TENM2: variants seen among roughly 807,000 people sequenced by gnomAD.
The protein encoded by TENM2 is teneurin-2.
TENM2 carries 52 observed loss-of-function variants against 245.2 expected under a neutral mutation model. The observed-to-expected ratio is 0.21, with a 90% CI of 0.17 to 0.27. The LOEUF (loss-of-function observed/expected upper bound fraction) is 0.27, where lower values mean the gene tolerates loss of function less well. Among genes scored for constraint, TENM2 ranks in the 10% least tolerant of loss-of-function variants. TENM2 has a pLI of 1.00. For synonymous variants in TENM2, 1,363 were observed against 1,438.9 expected (o/e 0.95, Z 1.19); for missense variants, 3,046 against 3,666.8 (o/e 0.83, Z 4.37).
the TENM2 span, among the ~76,000 whole-genome samples, chr5:167,137,369 AT>A: frequency 6.6e-6 from 1 of 152,222 alleles, no homozygotes; most frequent in Non-Finnish European, 1.5e-5. Context: ...TTCATAAGAA[AT>A]TTTATATCAG....
At chr5:167,592,836 TG>T (rs1775968431) in intron 2 of TENM2, among the ~76,000 whole-genome samples, 1 of 152,214 alleles carries the variant, frequency 6.6e-6, no homozygotes, top group South Asian at 2.1e-4. Flanking sequence ...TTTGATTTTT[TG>T]TTTTTTTTCT....
At chr5:167,425,602 G>A (rs899003494) in intron 2 of TENM2, among the ~76,000 whole-genome samples, 9 of 151,956 alleles carry the variant, frequency 5.9e-5, no homozygotes, top group African/African-American at 1.9e-4. Context: ...GAGAATTTGT[G>A]CATTTTATGT....
the TENM2 span, among the ~76,000 whole-genome samples, chr5:167,089,749 G>C: frequency 6.6e-6 from 1 of 152,144 alleles, no homozygotes; most frequent in African/African-American, 2.4e-5. Flanking sequence ...GGATGAGCAG[G>C]AGAGATTTTA....
At chr5:167,864,074 A>G (rs1369672378) in intron 2 of TENM2, among the ~76,000 whole-genome samples, 1 of 152,146 alleles carries the variant, frequency 6.6e-6, no homozygotes, top group Non-Finnish European at 1.5e-5. Flanking sequence ...TTAGCATCTT[A>G]TCAAGGACCA....
the TENM2 span, among the ~76,000 whole-genome samples, chr5:167,251,557 T>A: frequency 1.3e-5 from 2 of 152,210 alleles, no homozygotes; most frequent in Admixed American, 1.3e-4. Context: ...GCTAAGGCAT[T>A]CTTGCTGCTT....
intron 2 of TENM2, among the ~76,000 whole-genome samples, chr5:167,428,874 A>G (rs1764040222): frequency 6.6e-6 from 1 of 152,132 alleles, no homozygotes; most frequent in Admixed American, 6.5e-5. Flanking sequence ...GGATGTGTTC[A>G]TGTTTTGTTC....
intron 1 of TENM2, among the ~76,000 whole-genome samples, chr5:167,367,431 G>A (rs1389829537): frequency 6.6e-6 from 1 of 152,054 alleles, no homozygotes; most frequent in African/African-American, 2.4e-5. Context: ...TTACTCTGTT[G>A]TTTTAAGCCA....
At chr5:167,015,956 A>G in the TENM2 span, among the ~76,000 whole-genome samples, 1 of 152,036 alleles carries the variant, frequency 6.6e-6, no homozygotes, top group East Asian at 1.9e-4. Context: ...TTCCACCATT[A>G]AAAGAAGGAG....
chr5:167,321,451 C>T (rs1191643500), intron 1 of TENM2, among the ~76,000 whole-genome samples: 1 of 152,082 alleles, frequency 6.6e-6, no homozygotes, highest in Non-Finnish European at 1.5e-5. Context: ...CATTTTTCCC[C>T]TTCTGCAGTC....
At chr5:167,786,159 T>C (rs1764565744) in intron 2 of TENM2, among the ~76,000 whole-genome samples, 1 of 152,214 alleles carries the variant, frequency 6.6e-6, no homozygotes, top group Non-Finnish European at 1.5e-5. Context: ...AACTTCTAGT[T>C]TTGGAAAACC....
At chr5:168,238,125 A>G (rs1207605942) in intron 25 of TENM2, among the ~76,000 whole-genome samples, 3 of 137,690 alleles carry the variant, frequency 2.2e-5, no homozygotes, top group Non-Finnish European at 1.6e-5. Context: ...AGCCTGGGAG[A>G]TAGAGTGAGA....
chr5:167,725,165 A>G (rs924557689), intron 2 of TENM2, among the ~76,000 whole-genome samples: 5 of 152,206 alleles, frequency 3.3e-5, no homozygotes, highest in African/African-American at 4.8e-5. Flanking sequence ...TTAAAATTCA[A>G]TAAATTTTTT....
intron 2 of TENM2, among the ~76,000 whole-genome samples, chr5:167,657,922 GT>G (rs1754956318): frequency 6.6e-6 from 1 of 152,186 alleles, no homozygotes; most frequent in South Asian, 2.1e-4. Context: ...AAATGCAGAT[GT>G]TTGTGTCCTC....
chr5:167,431,015 T>G (rs1561949252), intron 2 of TENM2, among the ~76,000 whole-genome samples: 1 of 152,214 alleles, frequency 6.6e-6, no homozygotes, highest in African/African-American at 2.4e-5. Flanking sequence ...GTTGAATGGC[T>G]GGTAATCTTC....
rs7725216 is a variant in TENM2, at chr5:168,159,018, C to T, written c.2423-3593C>T. Among the ~76,000 whole-genome samples the T allele has an allele frequency of 6.0e-3, 895 of 150,346 alleles. 3 individuals are homozygous for T. Among genetic ancestry groups the T allele is most frequent in the African/African-American group, 0.017 (678 of 40,954 alleles). On this transcript the variant is annotated intron_variant, in intron 12 of 28. Coordinates refer to ENST00000518659, the Ensembl canonical transcript of TENM2. ...AATCAGCTAGATGTGGTGGCATGCA[C>T]CTGTAGTCCCAGCTACTCAGGAAGC... is the stretch of plus-strand genomic sequence containing the variant.
rs1342779671 is a variant in TENM2 at position 167,398,389 on chromosome 5, T to C, written c.502+22916T>C. Among the ~76,000 whole-genome samples the C allele has an allele frequency of 4.1e-4, 12 of 29,262 alleles. No individual in the cohort carries two copies. In the African/African-American group the frequency reaches 5.8e-3, roughly 14 times the overall value. The allele number at this position is 29,262 out of a possible 152,430, so 19.2% of individuals were successfully genotyped here. The stretch of plus-strand genomic sequence containing the variant: ...TCCTTTCTTTCTTCCTTTCTTTCTT[T>C]CTTTCTTTCTTTCTTTCTTTCTTTC... On this transcript the variant is annotated intron_variant, in intron 2 of 28. Coordinates refer to ENST00000518659, the Ensembl canonical transcript of TENM2.
intron 2 of TENM2, among the ~76,000 whole-genome samples, chr5:167,548,275 T>G (rs1350998197): frequency 6.6e-6 from 1 of 152,222 alleles, no homozygotes; most frequent in Admixed American, 6.5e-5. Context: ...TTTTTCTTAT[T>G]CTTTTTGCAG....
rs777333383 is a variant in TENM2 at position 168,203,851 on chromosome 5, T to C, written c.3574+19T>C. On this transcript the variant is annotated intron_variant, in intron 18 of 28. Transcript: ENST00000518659. ...AAAAGTGGTACGTGAACACATCTTC[T>C]TTCCCAAATACAGCCTTGCCACTTC... 2.5e-6 allele frequency: 4 copies of C among 1,587,702 alleles called. No homozygotes were observed. The highest frequency in any genetic ancestry group is 4.5e-5 in the East Asian group (2 of 44,350).
the TENM2 span, among the ~76,000 whole-genome samples, chr5:167,029,725 A>G: frequency 2.0e-5 from 3 of 152,350 alleles, no homozygotes; most frequent in East Asian, 1.9e-4. Context: ...GCCAGGGGCC[A>G]TGGTCAGGGC....
Sources: allele counts gnomAD v4.1 joint callset (sites outside exome capture counted in the v4.1 genomes callset), GRCh38; gene constraint gnomAD v4.1.1; transcripts MANE v1.5; gene names NCBI Gene and HGNC (gene_info 2026-07-23, HGNC 2026-07-21).